Variants in SATL1 observed in about 807,000 individuals in gnomAD.
The protein encoded by SATL1 is spermidine/spermine N1-acetyl transferase like 1.
In SATL1, 47 loss-of-function variants were observed where a neutral mutation model predicts 51.8. That is an observed-to-expected ratio of 0.91 (90% CI 0.72 to 1.16). SATL1 has a LOEUF of 1.16. SATL1 is among the 50% of genes most tolerant of loss of function. The pLI is 0.00. For synonymous variants in SATL1, 176 were observed against 182.4 expected (o/e 0.97, Z 0.28); for missense variants, 520 against 526.4 (o/e 0.99, Z 0.12).
intron 2 of SATL1, among the ~76,000 whole-genome samples, chrX:85,187,732 G>A (rs752036396): frequency 1.8e-5 from 2 of 111,364 alleles, no homozygotes; most frequent in South Asian, 7.5e-4. Context: ...GTATTTTCTT[G>A]AGGACTTTTG....
intron 2 of SATL1, among the ~76,000 whole-genome samples, chrX:85,157,332 T>G (rs1471755879): frequency 9.0e-6 from 1 of 110,966 alleles, no homozygotes; most frequent in Non-Finnish European, 1.9e-5. Flanking sequence ...GAAGGGTTTG[T>G]TGTAATCTAT....
intron 2 of SATL1, chrX:85,219,716 T>C (rs751639720): frequency 9.0e-6 from 1 of 111,457 alleles, no homozygotes; most frequent in Non-Finnish European, 1.9e-5. Flanking sequence ...TGTAAACTGA[T>C]TGGTGCTGTA....
chrX:85,153,467 T>G (rs1017155227), intron 2 of SATL1, among the ~76,000 whole-genome samples: 1 of 111,651 alleles, frequency 9.0e-6, no homozygotes, highest in African/African-American at 3.3e-5. Flanking sequence ...ATGAGCCTTA[T>G]TTTTCTTCAT....
At chrX:85,217,938 G>C (rs1339198372) in intron 2 of SATL1, among the ~76,000 whole-genome samples, 1 of 111,741 alleles carries the variant, frequency 8.9e-6, no homozygotes, top group South Asian at 3.7e-4. Flanking sequence ...TGTATGAATG[G>C]AGAAGATAGC....
chrX:85,149,122 T>G (rs1285717243), intron 2 of SATL1, among the ~76,000 whole-genome samples: 1 of 111,146 alleles, frequency 9.0e-6, no homozygotes, highest in Non-Finnish European at 1.9e-5. Context: ...TGGAGGAGGA[T>G]CTACCAAGCA....
chrX:85,187,220 C>G (rs2147742957), intron 2 of SATL1, among the ~76,000 whole-genome samples: 1 of 111,721 alleles, frequency 9.0e-6, no homozygotes, highest in Admixed American at 9.5e-5. Context: ...TTTACTCATT[C>G]TAACATTTTT....
chrX:85,212,718 C>T (rs1851339219), intron 2 of SATL1: 1 of 111,005 alleles, frequency 9.0e-6, no homozygotes. Flanking sequence ...ACAGTCTTTA[C>T]GTCTACCCAT....
At chrX:85,114,122 C>T (rs1347910323) in intron 2 of SATL1, among the ~76,000 whole-genome samples, 1 of 111,827 alleles carries the variant, frequency 8.9e-6, no homozygotes, top group African/African-American at 3.3e-5. Flanking sequence ...ATTTTTATTG[C>T]ACTTATAAAA....
At chrX:85,146,894 C>T (rs765213172) in intron 2 of SATL1, among the ~76,000 whole-genome samples, 1 of 112,584 alleles carries the variant, frequency 8.9e-6, no homozygotes, top group Non-Finnish European at 1.9e-5. Flanking sequence ...ATGAGTGACA[C>T]AGAAGATGGG....
At chrX:85,118,099 T>TTTTTTTTTTTTTTTTTTTTTTTTTG (rs1925424723) in intron 2 of SATL1, among the ~76,000 whole-genome samples, 2 of 94,570 alleles carry the variant, frequency 2.1e-5, no homozygotes, top group Admixed American at 1.3e-4. Context: ...TTTTTTTTTT[T>TTTTTTTTTTTTTTTTTTTTTTTTTG]TTTTCCAGAG....
chrX:85,208,149 G>A (rs968502165), intron 2 of SATL1, among the ~76,000 whole-genome samples: 1 of 110,247 alleles, frequency 9.1e-6, no homozygotes, highest in Non-Finnish European at 1.9e-5. Flanking sequence ...GGGAACATGT[G>A]GTGTTTGGTT....
intron 2 of SATL1, among the ~76,000 whole-genome samples, chrX:85,183,069 A>G (rs1927241115): frequency 9.0e-6 from 1 of 111,622 alleles, no homozygotes; most frequent in Non-Finnish European, 1.9e-5. Flanking sequence ...TGCTGTGCAG[A>G]AGGTTTTCAG....
intron 1 of SATL1, among the ~76,000 whole-genome samples, chrX:85,229,067 A>G (rs1928329886): frequency 9.0e-6 from 1 of 111,336 alleles, no homozygotes; most frequent in South Asian, 3.8e-4. Context: ...TTTTCTCTTT[A>G]TCTCTACTCC....
chrX:85,201,896 G>A (rs1472745715), intron 2 of SATL1, among the ~76,000 whole-genome samples: 2 of 111,870 alleles, frequency 1.8e-5, no homozygotes, highest in African/African-American at 6.5e-5. Flanking sequence ...CCATGTCTTC[G>A]CTATTGTGAA....
intron 2 of SATL1, among the ~76,000 whole-genome samples, chrX:85,195,820 A>T (rs747014044): frequency 8.3e-4 from 91 of 109,900 alleles, no homozygotes; most frequent in African/African-American, 2.8e-3. Flanking sequence ...AATAATAATA[A>T]TATTAGTAAT....
At chrX:85,211,431 T>A (rs747315651) in intron 2 of SATL1, 1 of 111,677 alleles carries the variant, frequency 9.0e-6, no homozygotes, top group East Asian at 2.8e-4. Context: ...GGTCTTTAAG[T>A]ACCAAGTCTT....
chrX:85,226,084 A>G (rs968390628), intron 1 of SATL1, among the ~76,000 whole-genome samples: 1 of 110,916 alleles, frequency 9.0e-6, no homozygotes, highest in Non-Finnish European at 1.9e-5. Flanking sequence ...CCAAATCCCT[A>G]CACTTTATTC....
intron 2 of SATL1, among the ~76,000 whole-genome samples, chrX:85,171,196 G>T (rs1926964573): frequency 1.8e-5 from 2 of 111,342 alleles, no homozygotes; most frequent in African/African-American, 6.5e-5. Context: ...TTCCTGTATT[G>T]TGATCACAAG....
chrX:85,196,968 C>T (rs774652739), intron 2 of SATL1, among the ~76,000 whole-genome samples: 5 of 111,577 alleles, frequency 4.5e-5, no homozygotes, highest in South Asian at 3.7e-4. Context: ...AAAGGCATAA[C>T]TGATAAAAGG....
Sources: gnomAD v4.1 joint callset for allele counts (sites outside exome capture counted in the v4.1 genomes callset) on GRCh38, gnomAD v4.1.1 for gene constraint, MANE v1.5 for transcripts, NCBI Gene and HGNC (gene_info 2026-07-23, HGNC 2026-07-21) for gene names.